PAN3: variants seen among roughly 807,000 people sequenced by gnomAD.
PAN3 encodes the protein PAN2-PAN3 deadenylation complex subunit PAN3.
PAN3 carries 19 observed loss-of-function variants against 96.2 expected under a neutral mutation model. The observed-to-expected ratio is 0.20, with a 90% CI of 0.14 to 0.29. The LOEUF (loss-of-function observed/expected upper bound fraction) is 0.29, where lower values mean the gene tolerates loss of function less well. PAN3 is among the 10% of genes least tolerant of loss of function. The pLI, the probability that PAN3 is intolerant of heterozygous loss-of-function variation, is 1.00. For synonymous variants in PAN3, 433 were observed against 406.6 expected, an observed-to-expected ratio of 1.06 and a Z score of -0.78; for missense variants, 882 against 1,108.1, an observed-to-expected ratio of 0.80 and a Z score of 2.90.
chr13:28,267,507 G>A, intron 12 of PAN3, 106 bp downstream of exon 12: 2 of 914,860 alleles, frequency 2.2e-6, no homozygotes, highest in Non-Finnish European at 3.3e-6. Context: ...TAATCATTTA[G>A]TTTAAAGACT....
intron 6 of PAN3, among the ~76,000 whole-genome samples, chr13:28,253,511 A>G (rs1593569297): frequency 6.6e-6 from 1 of 151,838 alleles, no homozygotes; most frequent in East Asian, 1.9e-4. Flanking sequence ...TTCCTATGCA[A>G]TTTAAGTATC....
chr13:28,158,249 G>GA (rs1346308426), intron 1 of PAN3, among the ~76,000 whole-genome samples: 1 of 152,136 alleles, frequency 6.6e-6, no homozygotes, highest in African/African-American at 2.4e-5. Context: ...AAAAACCCTT[G>GA]AAAACCTAGG....
chr13:28,253,821 G>T (rs778934673), intron 6 of PAN3, among the ~76,000 whole-genome samples: 1 of 151,954 alleles, frequency 6.6e-6, no homozygotes, highest in Non-Finnish European at 1.5e-5. Context: ...CAGCTCAGAT[G>T]AACTCAAATT....
chr13:28,239,060 C>T (rs1228578856), intron 6 of PAN3, among the ~76,000 whole-genome samples: 1 of 151,862 alleles, frequency 6.6e-6, no homozygotes, highest in Non-Finnish European at 1.5e-5. Flanking sequence ...TAACATTTCA[C>T]TAGTTCATTA....
chr13:28,193,558 A>G (rs376070617), intron 4 of PAN3, among the ~76,000 whole-genome samples: 14 of 151,930 alleles, frequency 9.2e-5, no homozygotes, highest in African/African-American at 3.1e-4. Flanking sequence ...CTTGGGCAAC[A>G]TGGAGAGACT....
chr13:28,289,887 A>C (rs1258921732), intron 18 of PAN3, among the ~76,000 whole-genome samples: 2 of 152,234 alleles, frequency 1.3e-5, no homozygotes, highest in East Asian at 1.9e-4. Context: ...GTCTCAAAAA[A>C]AAAAGAAAGA....
At chr13:28,287,864 C>A in intron 17 of PAN3, 120 bp from the exon 18 acceptor site, 1 of 908,208 alleles carries the variant, frequency 1.1e-6, no homozygotes, top group Non-Finnish European at 1.6e-6. Flanking sequence ...CTGTACCAGA[C>A]TCCCTCCCAA....
At chr13:28,236,770 G>C (rs752410683) in intron 6 of PAN3, among the ~76,000 whole-genome samples, 15 of 152,130 alleles carry the variant, frequency 9.9e-5, no homozygotes, top group Non-Finnish European at 1.9e-4. Flanking sequence ...GCTTAGAGCA[G>C]GGTTCTTTTT....
intron 5 of PAN3, among the ~76,000 whole-genome samples, chr13:28,211,969 T>C: frequency 6.6e-6 from 1 of 152,170 alleles, no homozygotes; most frequent in Non-Finnish European, 1.5e-5. Flanking sequence ...AAGTCCACAG[T>C]GGCTAAGGTG....
intron 4 of PAN3, among the ~76,000 whole-genome samples, chr13:28,178,734 T>C (rs1277489769): frequency 6.6e-6 from 1 of 152,114 alleles, no homozygotes; most frequent in African/African-American, 2.4e-5. Context: ...GATAAAATAT[T>C]TCAACATATC....
chr13:28,189,205 A>G (rs1057151393), intron 4 of PAN3, among the ~76,000 whole-genome samples: 3 of 152,112 alleles, frequency 2.0e-5, no homozygotes, highest in Non-Finnish European at 4.4e-5. Context: ...TTTGAGGGCT[A>G]CAAATAGTGA....
intron 6 of PAN3, among the ~76,000 whole-genome samples, chr13:28,235,206 C>T (rs564077291): frequency 6.6e-6 from 1 of 152,260 alleles, no homozygotes; most frequent in Non-Finnish European, 1.5e-5. Flanking sequence ...GGTTCCTTCT[C>T]TTCTTCTTAG....
At chr13:28,261,132 C>T (rs563522971) in intron 8 of PAN3, among the ~76,000 whole-genome samples, 6 of 152,216 alleles carry the variant, frequency 3.9e-5, no homozygotes, top group African/African-American at 1.2e-4. Flanking sequence ...TCAGCCACAG[C>T]GTTAGTCACG....
rs1221802293 is a variant in PAN3, at chr13:28,270,858, C to A, written c.1950C>A (p.Gly650=). 3 of 1,613,124 alleles carry A rather than the reference C, an allele frequency of 1.9e-6. No homozygotes were observed. Among genetic ancestry groups the A allele is most frequent in the Non-Finnish European group, 2.5e-6 (3 of 1,179,384 alleles). Residue 650 remains glycine (G), a synonymous_variant, in exon 13 of 19, where the codon GGC becomes GGA. Transcript: ENST00000380958. The stretch of plus-strand genomic sequence containing the variant: ...ATCCAACAAAGATTCTGATAACTGG[C>A]AAAACAAGGTACTAGCATTTTGAGT... ...VMDPTKILIT[G]KTRLRVNCVG... is the part of the protein sequence containing the mutation.
At chr13:28,222,735 T>G (rs1881535200) in intron 6 of PAN3, among the ~76,000 whole-genome samples, 1 of 152,200 alleles carries the variant, frequency 6.6e-6, no homozygotes, top group South Asian at 2.1e-4. Context: ...AGAGTTTATT[T>G]ACCTACGGTA....
At chr13:28,272,378 C>T (rs1041789329) in intron 14 of PAN3, 33 of 193,266 alleles carry the variant, frequency 1.7e-4, no homozygotes, top group Non-Finnish European at 2.2e-4. Flanking sequence ...GCAATCGTCT[C>T]GCCTCAGCCT....
chr13:28,162,601 C>G (rs1004577151), intron 1 of PAN3, among the ~76,000 whole-genome samples: 1 of 151,518 alleles, frequency 6.6e-6, no homozygotes, highest in African/African-American at 2.4e-5. Flanking sequence ...GAGCTGAGAT[C>G]ACGCCACTGC....
At chr13:28,167,674 A>G (rs1873760626) in intron 1 of PAN3, among the ~76,000 whole-genome samples, 1 of 89,390 alleles carries the variant, frequency 1.1e-5, no homozygotes, top group Non-Finnish European at 2.6e-5. Flanking sequence ...CTGTCTCTAC[A>G]AAAAAAAAAA....
At chr13:28,196,915 G>A (rs963322823) in intron 4 of PAN3, among the ~76,000 whole-genome samples, 9 of 152,014 alleles carry the variant, frequency 5.9e-5, no homozygotes, top group Non-Finnish European at 8.8e-5. Flanking sequence ...AAGTAAAGTC[G>A]TATAAAATCA....
Sources: gnomAD v4.1 joint callset for allele counts (sites outside exome capture counted in the v4.1 genomes callset) on GRCh38, gnomAD v4.1.1 for gene constraint, MANE v1.5 for transcripts, NCBI Gene and HGNC (gene_info 2026-07-23, HGNC 2026-07-21) for gene names.